Variants in PUDP observed in about 807,000 individuals in gnomAD.
PUDP encodes the protein pseudouridine-5'-phosphatase.
A neutral mutation model predicts 9.4 loss-of-function variants in PUDP; 8 were observed. That is an observed-to-expected ratio of 0.85 (90% CI 0.50 to 1.53). The LOEUF (loss-of-function observed/expected upper bound fraction) is 1.53. Ranked by LOEUF, PUDP falls within the 40% of genes most tolerant of loss-of-function variation. The pLI, the probability that PUDP is intolerant of heterozygous loss-of-function variation, is 0.00. For missense variants in PUDP, 188 were observed against 189.7 expected, an observed-to-expected ratio of 0.99 and a Z score of 0.05; for synonymous variants, 99 against 80.7, an observed-to-expected ratio of 1.23 and a Z score of -1.22.
chrX:7,012,797 A>G (rs889105387), intron 1 of PUDP, among the ~76,000 whole-genome samples: 2 of 111,395 alleles, frequency 1.8e-5, no homozygotes, highest in African/African-American at 6.6e-5. Flanking sequence ...GTTATTCTAC[A>G]GGAGTCCTGC....
At chrX:7,088,835 G>A (rs1931341458) in intron 2 of PUDP, among the ~76,000 whole-genome samples, 1 of 111,787 alleles carries the variant, frequency 8.9e-6, no homozygotes, top group Admixed American at 9.5e-5. Flanking sequence ...TGGAATGCAT[G>A]AGAGTTTCCT....
rs181396589 is a variant in PUDP at position 7,024,679 on chromosome X, C to T, written c.205-46336G>A. ...TCAGCTCACTGCAAGGTCCGCCTTC[C>T]GGGTTCACGCCATTCTCCTACCTCA... On this transcript the variant is annotated intron_variant and NMD_transcript_variant, in intron 1 of 3. Coordinates refer to the PUDP transcript ENST00000655425. Among the ~76,000 whole-genome samples the T allele has an allele frequency of 1.4e-4, 15 of 105,817 alleles. No homozygotes were observed. In the East Asian group the frequency reaches 2.9e-3, roughly 21 times the overall value. 91.9% of individuals were successfully genotyped at this position (105,817 alleles called of 115,157 possible). A position where few individuals can be genotyped will look rare whatever the true frequency, so the allele number is the denominator to read the frequency against.
At chrX:6,795,461 C>T (rs1348911082) in intron 3 of PUDP, among the ~76,000 whole-genome samples, 1 of 111,209 alleles carries the variant, frequency 9.0e-6, no homozygotes, top group Non-Finnish European at 1.9e-5. Context: ...TTCCTCCCAC[C>T]CACCATCATG....
intron 3 of PUDP, among the ~76,000 whole-genome samples, chrX:6,863,128 C>CA (rs1212248077): frequency 8.9e-6 from 1 of 111,917 alleles, no homozygotes; most frequent in African/African-American, 3.2e-5. Context: ...TAGCATACTA[C>CA]AGTCTCAAAC....
intron 3 of PUDP, among the ~76,000 whole-genome samples, chrX:6,975,569 G>A (rs1442600847): frequency 9.0e-6 from 1 of 111,531 alleles, no homozygotes; most frequent in Non-Finnish European, 1.9e-5. Context: ...ATTGCTGCCT[G>A]TTCCTTCCTC....
At chrX:6,906,418 G>A (rs1927767690) in intron 3 of PUDP, among the ~76,000 whole-genome samples, 1 of 112,201 alleles carries the variant, frequency 8.9e-6, no homozygotes, top group South Asian at 3.7e-4. Context: ...CTCTGACCTC[G>A]CCCCCCAACC....
chrX:6,950,406 CTTTTT>C (rs768745445), intron 3 of PUDP, among the ~76,000 whole-genome samples: 1 of 68,644 alleles, frequency 1.5e-5, no homozygotes, highest in Admixed American at 1.9e-4. Flanking sequence ...TTAGTCATTT[CTTTTT>C]TTTTTTTTTT....
At chrX:7,124,913 A>T (rs1242395866) in intron 1 of PUDP, among the ~76,000 whole-genome samples, 1 of 109,379 alleles carries the variant, frequency 9.1e-6, no homozygotes, top group Non-Finnish European at 1.9e-5. Flanking sequence ...GCGCCACTGC[A>T]CTCCAGCCTG....
intron 3 of PUDP, among the ~76,000 whole-genome samples, chrX:6,976,485 G>T (rs769124981): frequency 8.9e-6 from 1 of 111,813 alleles, no homozygotes; most frequent in African/African-American, 3.3e-5. Context: ...CTTCCTGGGT[G>T]AGGCAACGCC....
chrX:7,012,030 T>A (rs1274046652), intron 1 of PUDP, among the ~76,000 whole-genome samples: 2 of 112,690 alleles, frequency 1.8e-5, no homozygotes, highest in Non-Finnish European at 3.7e-5. Context: ...GATTTGTGTA[T>A]ATAAACATGC....
At chrX:7,018,293 AC>A (rs1929580656) in intron 1 of PUDP, among the ~76,000 whole-genome samples, 1 of 111,683 alleles carries the variant, frequency 9.0e-6, no homozygotes, top group Non-Finnish European at 1.9e-5. Context: ...CTGGATCTGG[AC>A]CCCTTTCCAG....
At chrX:6,902,695 TCTGGCTGGTGC>T (rs1927708581) in intron 3 of PUDP, among the ~76,000 whole-genome samples, 2 of 111,661 alleles carry the variant, frequency 1.8e-5, no homozygotes, top group Non-Finnish European at 3.8e-5. Flanking sequence ...TATTTGGTGG[TCTGGCTGGTGC>T]CATCACTGGC....
intron 3 of PUDP, among the ~76,000 whole-genome samples, chrX:6,807,535 T>C (rs1744063772): frequency 8.9e-6 from 1 of 112,331 alleles, no homozygotes; most frequent in African/African-American, 3.2e-5. Context: ...TATCCAGGTG[T>C]CGCAATGGAA....
chrX:7,093,937 C>A (rs1177194282), intron 2 of PUDP, among the ~76,000 whole-genome samples: 1 of 110,540 alleles, frequency 9.0e-6, no homozygotes, highest in Non-Finnish European at 1.9e-5. Flanking sequence ...AGGGCCCTGT[C>A]TCTACAGAAA....
At chrX:7,059,357 G>A (rs1354029274) in intron 3 of PUDP, among the ~76,000 whole-genome samples, 1 of 112,026 alleles carries the variant, frequency 8.9e-6, no homozygotes, top group Admixed American at 9.4e-5. Context: ...AGAAACCAGT[G>A]AAAACCCAGC....
intron 3 of PUDP, among the ~76,000 whole-genome samples, chrX:6,750,079 G>A (rs1320120672): frequency 1.8e-5 from 2 of 112,114 alleles, no homozygotes; most frequent in East Asian, 2.8e-4. Flanking sequence ...CTCGTTGAAC[G>A]TTTGCTGTGC....
chrX:6,764,131 A>G (rs1395626365), intron 3 of PUDP, among the ~76,000 whole-genome samples: 2 of 111,911 alleles, frequency 1.8e-5, no homozygotes, highest in African/African-American at 6.5e-5. Flanking sequence ...TTCAGAAAGT[A>G]ATCAAACCAT....
chrX:6,833,465 G>A (rs747201299), intron 3 of PUDP, among the ~76,000 whole-genome samples: 38 of 111,141 alleles, frequency 3.4e-4, no homozygotes, highest in African/African-American at 1.3e-3. Context: ...ATAGATGGAT[G>A]AATGAAGGCA....
intron 2 of PUDP, among the ~76,000 whole-genome samples, chrX:7,089,722 C>T (rs1931367783): frequency 8.9e-6 from 1 of 111,760 alleles, no homozygotes; most frequent in South Asian, 3.8e-4. Context: ...AGCACCAGCA[C>T]CCACTCACGC....
Sources: gnomAD v4.1 joint callset for allele counts (sites outside exome capture counted in the v4.1 genomes callset) on GRCh38, gnomAD v4.1.1 for gene constraint, MANE v1.5 for transcripts, NCBI Gene and HGNC (gene_info 2026-07-23, HGNC 2026-07-21) for gene names.